OSCAR: variants seen among roughly 807,000 people sequenced by gnomAD.
OSCAR encodes osteoclast-associated immunoglobulin-like receptor.
A neutral mutation model predicts 27.3 loss-of-function variants in OSCAR; 25 were observed. That is an observed-to-expected ratio of 0.92 (90% CI 0.67 to 1.28). OSCAR has a LOEUF of 1.28. OSCAR is among the 50% of genes most tolerant of loss of function. OSCAR has a pLI of 0.00. For synonymous variants in OSCAR, 158 were observed against 165.7 expected (o/e 0.95, Z 0.36); for missense variants, 354 against 355.1 (o/e 1.00, Z 0.03).
chr19:54,099,254 A>G (rs1225152723), intron 2 of OSCAR, among the ~76,000 whole-genome samples: 25 of 27,138 alleles, frequency 9.2e-4, no homozygotes, highest in South Asian at 2.5e-3. Context: ...TTTTTTTTTT[A>G]GTAGAGACGG....
Position 54,099,778 on chromosome 19 carries a change from G to T in OSCAR, c.40C>A (p.Pro14Thr). The T allele has an allele frequency of 6.2e-7, 1 of 1,613,290 alleles. No individual in the cohort carries two copies. Among genetic ancestry groups the T allele is most frequent in the Non-Finnish European group, 8.5e-7 (1 of 1,179,684 alleles). Residue 14 changes from proline (P) to threonine (T), a missense_variant and splice_region_variant, in exon 2 of 5, where the codon CCT becomes ACT. Physicochemically the swap from Pro to Thr is conservative, Grantham distance 38. Transcript: ENST00000358375. ...GGAGTGATGTCTGTGTGACACAGAG[G>T]CCCTGTAGGAGGTTGAGGGACTAGT... ...VLILQLLTLW[P>T]LCHTDITPSV... is the part of the protein sequence containing the mutation.
At position 54,100,766 on chromosome 19, in the gene OSCAR, C is replaced by T; in HGVS notation, c.27G>A (p.Leu9=). The change falls in exon 1 of 5, where the codon CTG becomes CTA. Residue 9 remains leucine (L), a synonymous_variant. Coordinates refer to ENST00000358375, the MANE Select transcript of OSCAR (RefSeq NM_133169.6). ...AAAGGGGTGACTCACAGAGGGTCAG[C>T]AGCTGGAGGATCAGCACCAGGGCCA... MALVLILQ[L]LTLWPLCHTD... is the part of the protein sequence containing the mutation. The T allele has an allele frequency of 1.9e-6, 3 of 1,552,208 alleles. No individual in the cohort carries two copies. The South Asian group carries it at 3.6e-5, about 18-fold the overall frequency.
Position 54,095,860 on chromosome 19 carries a change from C to G in OSCAR, c.655+12G>C. ...GGGGCGGAGGAGGCGGGCCGGGCCT[C>G]AGGGCCCTCACCTTCCCAGCTGATG... On this transcript the variant is annotated intron_variant, in intron 4 of 4. Coordinates refer to ENST00000358375, the MANE Select transcript of OSCAR (RefSeq NM_133169.6). The G allele has an allele frequency of 6.4e-7, 1 of 1,553,060 alleles. No homozygotes were observed. The highest frequency in any genetic ancestry group is 8.7e-7 in the Non-Finnish European group (1 of 1,147,828).
rs749721921 is a variant in OSCAR at position 54,097,040 on chromosome 19, G to C, written c.195C>G (p.Phe65Leu). 3 of 1,614,086 alleles carry C rather than the reference G, an allele frequency of 1.9e-6. No homozygotes were observed. The African/African-American group carries it at 4.0e-5, about 22-fold the overall frequency. ...APQPAWRFGL[F>L]KPGEIAPLLF... ...GAAGGGGAGCGATCTCTCCAGGCTTGAAAAGTCCAAATCTCCAAGCGGGTT... is the reference window on the plus strand; with the variant it reads ...GAAGGGGAGCGATCTCTCCAGGCTTCAAAAGTCCAAATCTCCAAGCGGGTT... Residue 65 changes from phenylalanine to leucine, a missense_variant, in exon 3 of 5, where the codon TTC (phenylalanine) becomes TTG (leucine). Coordinates refer to ENST00000358375, the MANE Select transcript of OSCAR (RefSeq NM_133169.6).
At position 54,094,897 on chromosome 19, in the gene OSCAR, CA is replaced by C; in HGVS notation, c.*323del. ...CAGAAAAGTTCTCCAGGTCCCCATTCAACCCAGGAAGTCCAGCTGGCTTCAC... is the reference window on the plus strand; with the variant it reads ...CAGAAAAGTTCTCCAGGTCCCCATTCACCCAGGAAGTCCAGCTGGCTTCAC... On this transcript the variant is annotated 3_prime_UTR_variant, in exon 5 of 5. Transcript: ENST00000358375. 1 of 307,252 alleles carries C rather than the reference CA, an allele frequency of 3.3e-6. No homozygotes were observed. Among genetic ancestry groups the C allele is most frequent in the Admixed American group, 4.9e-5 (1 of 20,300 alleles). The allele number at this position is 307,252 out of a possible 1,614,324, so 19.0% of individuals were successfully genotyped here. A position where few individuals can be genotyped will look rare whatever the true frequency, so the allele number is the denominator to read the frequency against.
chr19:54,096,793 T>C (rs1323263641), intron 3 of OSCAR, 69 bp downstream of exon 3: 2 of 1,518,474 alleles, frequency 1.3e-6, no homozygotes, highest in African/African-American at 1.4e-5. Flanking sequence ...TCTCTTTCCC[T>C]ATATCTCTCT....
intron 2 of OSCAR, among the ~76,000 whole-genome samples, chr19:54,099,229 ATTTTTTT>A (rs1228940404): frequency 8.5e-5 from 7 of 82,422 alleles, no homozygotes; most frequent in East Asian, 5.2e-4. Flanking sequence ...CACCCGGCTA[ATTTTTTT>A]TTTTTTTTTT....
In OSCAR at chr19:54,095,203, C is replaced by A. The variant is rs778218874; in HGVS notation, c.*18G>T. 3.1e-6 allele frequency: 5 copies of A among 1,607,748 alleles called. No homozygotes were observed. Among genetic ancestry groups the A allele is most frequent in the Admixed American group, 1.7e-5 (1 of 59,262 alleles). On this transcript the variant is annotated 3_prime_UTR_variant, in exon 5 of 5. Coordinates refer to ENST00000358375, the MANE Select transcript of OSCAR (RefSeq NM_133169.6). ...CGCCACTCAGGTTGGAAGTCTCGGG[C>A]TGCAGTGCTCCTGGGGCTCAGGGGC...
rs1466728849 is a variant in OSCAR, at chr19:54,096,269, CCTCT to C, written c.374-120_374-117del. ...CTCTGTGCCTCTCTCTCTCTTTCTG[CCTCT>C]CTTTCTCTCTGCCTGTCTCTCTCTC... On this transcript the variant is annotated intron_variant, in intron 3 of 4. Transcript: ENST00000358375. The C allele has an allele frequency of 1.1e-5, 10 of 940,108 alleles. 1 individual carries two copies. In the Admixed American group the frequency reaches 1.9e-4, roughly 18 times the overall value. The allele number at this position is 940,108 out of a possible 1,614,324, so 58.2% of individuals were successfully genotyped here.
At chr19:54,095,491 T>C in intron 4 of OSCAR, 134 bp from the exon 5 acceptor site, 2 of 1,441,122 alleles carry the variant, frequency 1.4e-6, no homozygotes, top group Non-Finnish European at 1.8e-6. Context: ...GGGGAGTCGA[T>C]GGAGGCTTCA....
Position 54,097,088 on chromosome 19 carries a change from C to T in OSCAR, c.147G>A (p.Val49=). The change falls in exon 3 of 5, where the codon GTG becomes GTA. Residue 49 remains valine, a synonymous_variant. Coordinates refer to ENST00000358375, the MANE Select transcript of OSCAR (RefSeq NM_133169.6). ...PATVVTPGVN[V]TLRCRAPQPA... ...GTTGGGGTGCCCGGCATCTCAAGGTCACGTTGACCCCAGGGGTCACAACTG... is the reference window on the plus strand; with the variant it reads ...GTTGGGGTGCCCGGCATCTCAAGGTTACGTTGACCCCAGGGGTCACAACTG... The T allele has an allele frequency of 6.2e-7, 1 of 1,614,192 alleles. No homozygotes were observed. Among genetic ancestry groups the T allele is most frequent in the Non-Finnish European group, 8.5e-7 (1 of 1,180,044 alleles).
chr19:54,095,399 C>T (rs1416113883), intron 4 of OSCAR, 42 bp from the exon 5 acceptor site: 1 of 1,537,900 alleles, frequency 6.5e-7, no homozygotes, highest in Admixed American at 2.1e-5. Context: ...AGCTCCCGGA[C>T]CCCAAAGTCT....
rs1198009947 is a variant in OSCAR, at chr19:54,100,647, A to C, written c.37+109T>G. The C allele has an allele frequency of 9.5e-5, 115 of 1,210,992 alleles. 2 individuals are homozygous for C. The South Asian group carries it at 1.2e-3, about 13-fold the overall frequency. The allele number at this position is 1,210,992 out of a possible 1,614,324, so 75.0% of individuals were successfully genotyped here. A position where few individuals can be genotyped will look rare whatever the true frequency, so the allele number is the denominator to read the frequency against. On this transcript the variant is annotated intron_variant, in intron 1 of 4. Transcript: ENST00000358375. Reference sequence around the variant, plus strand: ...GCCCTGTTCTTTATTTGAACCTAGAATCCCAAACCTGCTGCCTGGTCCCCC... The same window carrying C: ...GCCCTGTTCTTTATTTGAACCTAGACTCCCAAACCTGCTGCCTGGTCCCCC...
At chr19:54,100,274 A>G (rs1212941238) in intron 1 of OSCAR, among the ~76,000 whole-genome samples, 1 of 152,072 alleles carries the variant, frequency 6.6e-6, no homozygotes, top group Non-Finnish European at 1.5e-5. Flanking sequence ...TTGCCCACCT[A>G]CCGAAGAAGT....
chr19:54,097,094 G>C lies in OSCAR; in HGVS notation c.141C>G (p.Val47=), dbSNP rs1351099418. ...GTGCCCGGCATCTCAAGGTCACGTT[G>C]ACCCCAGGGGTCACAACTGTAGCCG... is the stretch of plus-strand genomic sequence containing the variant. ...AQPATVVTPG[V]NVTLRCRAPQ... The change falls in exon 3 of 5, where the codon GTC becomes GTG. Residue 47 remains valine (V), a synonymous_variant. Transcript: ENST00000358375. 5 of 1,614,206 alleles carry C rather than the reference G, an allele frequency of 3.1e-6. No homozygotes were observed. The highest frequency in any genetic ancestry group is 4.2e-6 in the Non-Finnish European group (5 of 1,180,040).
intron 1 of OSCAR, 116 bp from the exon 2 acceptor site, chr19:54,099,896 T>C: frequency 1.6e-6 from 2 of 1,233,934 alleles, no homozygotes; most frequent in Non-Finnish European, 2.2e-6. Flanking sequence ...CACTGCAACC[T>C]CTGCCTCCCA....
rs2072760590 is a variant in OSCAR at position 54,096,890 on chromosome 19, G to C, written c.345C>G (p.Pro115=). The change falls in exon 3 of 5, where the codon CCC becomes CCG. Residue 115 remains proline (P), a synonymous_variant. Transcript: ENST00000358375. ...TCACCAGCAGCTCCAGGACATCGCT[G>C]GGCTGGGACCAGACACCCGGCCCCC... ...PDWGPGVWSQ[P]SDVLELLVTE... The C allele has an allele frequency of 6.2e-7, 1 of 1,613,898 alleles. No individual in the cohort carries two copies. Among genetic ancestry groups the C allele is most frequent in the East Asian group, 2.2e-5 (1 of 44,874 alleles).
At position 54,095,196 on chromosome 19, in the gene OSCAR, T is replaced by C; in HGVS notation, c.*25A>G. ...GCTTCTCCGCCACTCAGGTTGGAAG[T>C]CTCGGGCTGCAGTGCTCCTGGGGCT... On this transcript the variant is annotated 3_prime_UTR_variant, in exon 5 of 5. Transcript: ENST00000358375. 6.2e-7 allele frequency: 1 copy of C among 1,604,646 alleles called. No individual in the cohort carries two copies. The highest frequency in any genetic ancestry group is 8.5e-7 in the Non-Finnish European group (1 of 1,175,158).
intron 4 of OSCAR, 87 bp from the exon 5 acceptor site, chr19:54,095,444 G>A: frequency 6.7e-7 from 1 of 1,488,842 alleles, no homozygotes; most frequent in Non-Finnish European, 8.9e-7. Context: ...CCCCTGGGGT[G>A]GACTTAGGGA....
Sources: gnomAD v4.1 joint callset for allele counts (sites outside exome capture counted in the v4.1 genomes callset) on GRCh38, gnomAD v4.1.1 for gene constraint, MANE v1.5 for transcripts, NCBI Gene and HGNC (gene_info 2026-07-23, HGNC 2026-07-21) for gene names.